CADM1: variants seen among roughly 807,000 people sequenced by gnomAD.
The protein encoded by CADM1 is cell adhesion molecule 1.
A neutral mutation model predicts 53.1 loss-of-function variants in CADM1; 15 were observed. The ratio of observed to expected loss-of-function variants is 0.28; its 90% CI spans 0.19 to 0.44. CADM1 has a LOEUF of 0.44. Ranked by LOEUF, CADM1 falls within the 20% of genes least tolerant of loss-of-function variation. The pLI is 1.00. For missense variants in CADM1, 434 were observed against 611.3 expected, an observed-to-expected ratio of 0.71 and a Z score of 3.06; for synonymous variants, 281 against 243.0, an observed-to-expected ratio of 1.16 and a Z score of -1.45.
chr11:115,373,448 G>A (rs1946358218), intron 1 of CADM1, among the ~76,000 whole-genome samples: 1 of 151,784 alleles, frequency 6.6e-6, no homozygotes, highest in Non-Finnish European at 1.5e-5. Context: ...AGCAGGGTGT[G>A]GTGGTGCACG....
chr11:115,471,213 G>T (rs314497), intron 1 of CADM1, among the ~76,000 whole-genome samples: 145,707 of 152,290 alleles, frequency 0.96, 69,787 homozygotes, highest in East Asian at 1. Flanking sequence ...ACCAAATATA[G>T]CCTGTGCCAT....
intron 1 of CADM1, among the ~76,000 whole-genome samples, chr11:115,283,259 G>C (rs1009047038): frequency 6.6e-6 from 1 of 152,172 alleles, no homozygotes; most frequent in Non-Finnish European, 1.5e-5. Flanking sequence ...TCTGTGCCTG[G>C]AGAGCCTGAA....
chr11:115,476,093 C>T (rs189513026), intron 1 of CADM1, among the ~76,000 whole-genome samples: 100 of 152,152 alleles, frequency 6.6e-4, no homozygotes, highest in African/African-American at 2.2e-3. Flanking sequence ...TATGGTATTA[C>T]CAAAGTCTCA....
chr11:115,376,808 C>T (rs961072840), intron 1 of CADM1, among the ~76,000 whole-genome samples: 1 of 152,174 alleles, frequency 6.6e-6, no homozygotes, highest in Non-Finnish European at 1.5e-5. Context: ...ACCGGGGATT[C>T]TGTCAAGTAA....
intron 1 of CADM1, among the ~76,000 whole-genome samples, chr11:115,370,127 G>A (rs1946273980): frequency 6.6e-6 from 1 of 152,028 alleles, no homozygotes; most frequent in Admixed American, 6.6e-5. Flanking sequence ...AAGAATTACG[G>A]GAACAAAAAT....
chr11:115,431,559 T>C (rs1377625333), intron 1 of CADM1, among the ~76,000 whole-genome samples: 2 of 152,188 alleles, frequency 1.3e-5, no homozygotes, highest in African/African-American at 4.8e-5. Context: ...TTATAACTCT[T>C]AGAACAAGGC....
intron 1 of CADM1, among the ~76,000 whole-genome samples, chr11:115,391,543 G>A (rs1437373435): frequency 2.6e-5 from 4 of 152,172 alleles, no homozygotes; most frequent in African/African-American, 9.7e-5. Context: ...AGGAGGAAAA[G>A]GCAAAAGAGA....
In CADM1 at chr11:115,267,737, G is replaced by T. The variant is rs563453693; in HGVS notation, c.125-27317C>A. 2.4e-5 allele frequency among the ~76,000 whole-genome samples: 3 copies of T among 127,422 alleles called. No individual in the cohort carries two copies. In the South Asian group the frequency reaches 7.6e-4, roughly 32 times the overall value. 83.6% of individuals were successfully genotyped at this position (127,422 alleles called of 152,430 possible). On this transcript the variant is annotated intron_variant, in intron 1 of 11. Transcript: ENST00000331581. ...CTTCGGCAAAAGTCTCTTTACTGAA[G>T]AAACCAATTAACCCCTTTGGTTCCT...
At chr11:115,322,327 G>A (rs1166395859) in intron 1 of CADM1, among the ~76,000 whole-genome samples, 1 of 152,196 alleles carries the variant, frequency 6.6e-6, no homozygotes, top group Non-Finnish European at 1.5e-5. Context: ...AAATGAATCT[G>A]ACGCAGGCTG....
At chr11:115,379,456 C>T (rs1565396523) in intron 1 of CADM1, among the ~76,000 whole-genome samples, 1 of 152,210 alleles carries the variant, frequency 6.6e-6, no homozygotes. Flanking sequence ...TTTTAGAAGA[C>T]CAAATGTAGT....
intron 1 of CADM1, among the ~76,000 whole-genome samples, chr11:115,395,551 G>C (rs1312913480): frequency 6.6e-6 from 1 of 152,204 alleles, no homozygotes; most frequent in Non-Finnish European, 1.5e-5. Context: ...ATTTGGGTGA[G>C]AGAGCAGAAG....
intron 5 of CADM1, among the ~76,000 whole-genome samples, chr11:115,227,134 ATTAGAGT>A (rs1398080063): frequency 3.9e-5 from 6 of 152,224 alleles, no homozygotes; most frequent in African/African-American, 1.2e-4. Context: ...AAGGTGCCAT[ATTAGAGT>A]TTAAAGTATC....
chr11:115,492,890 A>C (rs1949528938), intron 1 of CADM1, among the ~76,000 whole-genome samples: 2 of 151,908 alleles, frequency 1.3e-5, no homozygotes, highest in Non-Finnish European at 2.9e-5. Context: ...CATGCAGCTG[A>C]AAATTCACAT....
chr11:115,208,829 A>G (rs1437070062), intron 8 of CADM1, among the ~76,000 whole-genome samples: 1 of 152,198 alleles, frequency 6.6e-6, no homozygotes, highest in Non-Finnish European at 1.5e-5. Context: ...TGAGAGAGCC[A>G]CTGGATGCCA....
intron 1 of CADM1, among the ~76,000 whole-genome samples, chr11:115,484,803 C>T (rs959969469): frequency 2.0e-5 from 3 of 151,880 alleles, no homozygotes; most frequent in Admixed American, 1.3e-4. Flanking sequence ...AAAAATTAGC[C>T]GGGCGTGGTG....
chr11:115,318,003 C>T (rs1411902893), intron 1 of CADM1, among the ~76,000 whole-genome samples: 1 of 151,910 alleles, frequency 6.6e-6, no homozygotes, highest in Non-Finnish European at 1.5e-5. Context: ...CACACACACA[C>T]ACACACACAC....
chr11:115,218,087 T>C (rs1941263051), intron 5 of CADM1, 96 bp from the exon 6 acceptor site: 8 of 790,720 alleles, frequency 1.0e-5, no homozygotes, highest in Non-Finnish European at 1.8e-5. Context: ...TACCAGCACT[T>C]ACTCTCTCCC....
intron 8 of CADM1, among the ~76,000 whole-genome samples, chr11:115,201,198 A>C (rs1485387877): frequency 1.3e-5 from 2 of 152,192 alleles, no homozygotes; most frequent in Non-Finnish European, 2.9e-5. Flanking sequence ...CCGGAGCAGC[A>C]ACGGGGTAGG....
intron 10 of CADM1, among the ~76,000 whole-genome samples, chr11:115,183,330 C>G (rs976033624): frequency 6.6e-6 from 1 of 152,224 alleles, no homozygotes; most frequent in African/African-American, 2.4e-5. Context: ...GTTTCTATGG[C>G]TACTTTACCA....
Sources: allele counts gnomAD v4.1 joint callset (sites outside exome capture counted in the v4.1 genomes callset), GRCh38; gene constraint gnomAD v4.1.1; transcripts MANE v1.5; gene names NCBI Gene and HGNC (gene_info 2026-07-23, HGNC 2026-07-21).